TENM3: variants seen among roughly 807,000 people sequenced by gnomAD.
The protein encoded by TENM3 is teneurin transmembrane protein 3, also known as teneurin-3.
TENM3 carries 63 observed loss-of-function variants against 255.1 expected under a neutral mutation model. The ratio of observed to expected loss-of-function variants is 0.25; its 90% confidence interval spans 0.20 to 0.30. The LOEUF (loss-of-function observed/expected upper bound fraction) is 0.30, where lower values mean the gene tolerates loss of function less well. Ranked by LOEUF, TENM3 falls within the 10% of genes least tolerant of loss-of-function variation. TENM3 has a pLI of 1.00. For missense variants in TENM3, 2,929 were observed against 3,461.1 expected (o/e 0.85, Z 3.86); for synonymous variants, 1,306 against 1,322.3 (o/e 0.99, Z 0.27).
chr4:181,889,033 A>G, the TENM3 span, among the ~76,000 whole-genome samples: 1 of 152,030 alleles, frequency 6.6e-6, no homozygotes, highest in African/African-American at 2.4e-5. Flanking sequence ...TTCACCAGCT[A>G]CCCGGGCATC....
At chr4:182,254,298 ATT>A (rs1226297816) in intron 1 of TENM3, among the ~76,000 whole-genome samples, 1 of 149,234 alleles carries the variant, frequency 6.7e-6, no homozygotes, top group African/African-American at 2.5e-5. Context: ...TTCCACCCAC[ATT>A]CTCTCCCTTT....
At chr4:182,395,876 G>A (rs1768771861) in intron 3 of TENM3, among the ~76,000 whole-genome samples, 1 of 152,016 alleles carries the variant, frequency 6.6e-6, no homozygotes, top group Non-Finnish European at 1.5e-5. Flanking sequence ...AATCATCTTG[G>A]GGTGTTTAGA....
At chr4:181,488,022 G>T in the TENM3 span, among the ~76,000 whole-genome samples, 3 of 152,160 alleles carry the variant, frequency 2.0e-5, no homozygotes, top group East Asian at 3.9e-4. Flanking sequence ...ATTGGGCTGG[G>T]TCTCCAAGTC....
the TENM3 span, among the ~76,000 whole-genome samples, chr4:181,950,623 A>G: frequency 3.3e-5 from 5 of 152,224 alleles, no homozygotes; most frequent in African/African-American, 7.2e-5. Flanking sequence ...TGGACACTCA[A>G]CAAATGAAGT....
chr4:181,629,997 T>A, the TENM3 span, among the ~76,000 whole-genome samples: 5 of 152,208 alleles, frequency 3.3e-5, no homozygotes, highest in Admixed American at 2.0e-4. Context: ...GGCTATTAAT[T>A]ATTGCCTCAA....
chr4:181,471,559 G>A, the TENM3 span, among the ~76,000 whole-genome samples: 1 of 151,942 alleles, frequency 6.6e-6, no homozygotes, highest in African/African-American at 2.4e-5. Context: ...TTTTGAACTT[G>A]GTTTATAAAA....
the TENM3 span, among the ~76,000 whole-genome samples, chr4:182,041,740 G>A: frequency 6.6e-6 from 1 of 152,154 alleles, no homozygotes; most frequent in Non-Finnish European, 1.5e-5. Flanking sequence ...TTAAAGAAGA[G>A]AAGGTAAGTC....
chr4:181,983,809 G>A, the TENM3 span, among the ~76,000 whole-genome samples: 3 of 151,968 alleles, frequency 2.0e-5, no homozygotes, highest in African/African-American at 7.2e-5. Flanking sequence ...GTAGAACACA[G>A]ATGAATTCAG....
the TENM3 span, among the ~76,000 whole-genome samples, chr4:181,678,538 G>T: frequency 1.3e-5 from 2 of 152,040 alleles, no homozygotes; most frequent in East Asian, 3.9e-4. Context: ...CAAAACTCTA[G>T]TGCCAAGCTC....
At chr4:182,135,930 C>A in the TENM3 span, among the ~76,000 whole-genome samples, 1 of 152,174 alleles carries the variant, frequency 6.6e-6, no homozygotes, top group Non-Finnish European at 1.5e-5. Flanking sequence ...AAAGCTGGTT[C>A]TTGTAATCAA....
the TENM3 span, among the ~76,000 whole-genome samples, chr4:181,455,771 G>C: frequency 6.6e-6 from 1 of 151,836 alleles, no homozygotes; most frequent in Non-Finnish European, 1.5e-5. Flanking sequence ...AGAGAAAAGA[G>C]GCTCAAGATT....
chr4:181,595,281 A>C, the TENM3 span, among the ~76,000 whole-genome samples: 12 of 151,878 alleles, frequency 7.9e-5, no homozygotes, highest in African/African-American at 2.9e-4. Flanking sequence ...AAATACCAAA[A>C]TTAGCCAGGC....
At chr4:182,034,334 T>C in the TENM3 span, among the ~76,000 whole-genome samples, 187 of 152,292 alleles carry the variant, frequency 1.2e-3, no homozygotes, top group African/African-American at 4.3e-3. Context: ...CTTGGCTATA[T>C]CCAGCTTGCC....
Position 182,345,381 on chromosome 4 carries a change from C to T in TENM3, c.233-1270C>T, listed in dbSNP as rs190778631. Among the ~76,000 whole-genome samples the T allele has an allele frequency of 7.2e-5, 11 of 152,244 alleles. No homozygotes were observed. In the East Asian group the frequency reaches 2.1e-3, roughly 29 times the overall value. On this transcript the variant is annotated intron_variant, in intron 2 of 27. Coordinates refer to ENST00000511685, the MANE Select transcript of TENM3 (RefSeq NM_001080477.4). ...TTCAAAAAATATAATGTATGTTTCT[C>T]ATATCAACCTATTAGCATTAAAATG...
At chr4:182,344,898 A>G (rs2150654013) in intron 2 of TENM3, among the ~76,000 whole-genome samples, 1 of 152,262 alleles carries the variant, frequency 6.6e-6, no homozygotes, top group Non-Finnish European at 1.5e-5. Flanking sequence ...ATTTACTTTT[A>G]TAAGTACAAT....
chr4:182,344,775 A>G (rs1363638815), intron 2 of TENM3, among the ~76,000 whole-genome samples: 1 of 152,190 alleles, frequency 6.6e-6, no homozygotes, highest in Non-Finnish European at 1.5e-5. Flanking sequence ...TGATGGCAAT[A>G]TCTACACGTT....
intron 3 of TENM3, among the ~76,000 whole-genome samples, chr4:182,495,006 T>C (rs748255813): frequency 5.9e-5 from 9 of 152,186 alleles, no homozygotes; most frequent in Non-Finnish European, 1.5e-5. Flanking sequence ...AGATGTTGTA[T>C]GCTCAGCACT....
the TENM3 span, among the ~76,000 whole-genome samples, chr4:181,523,284 A>C: frequency 6.6e-6 from 1 of 152,188 alleles, no homozygotes; most frequent in Non-Finnish European, 1.5e-5. Context: ...CATTCAAATG[A>C]GTGCGTTAAA....
the TENM3 span, among the ~76,000 whole-genome samples, chr4:182,035,681 C>G: frequency 4.0e-5 from 6 of 151,500 alleles, no homozygotes; most frequent in Non-Finnish European, 8.8e-5. Context: ...TCTCTTGCTG[C>G]TGCTGTGGCT....
Sources: allele counts gnomAD v4.1 joint callset (sites outside exome capture counted in the v4.1 genomes callset), GRCh38; gene constraint gnomAD v4.1.1; transcripts MANE v1.5; gene names NCBI Gene and HGNC (gene_info 2026-07-23, HGNC 2026-07-21).